N4BP2L2: variants seen among roughly 807,000 people sequenced by gnomAD.
N4BP2L2 encodes the protein NEDD4 binding protein 2 like 2.
A neutral mutation model predicts 56.2 loss-of-function variants in N4BP2L2; 50 were observed. The observed-to-expected ratio is 0.89, with a 90% CI of 0.71 to 1.13. The LOEUF (loss-of-function observed/expected upper bound fraction) is 1.13, where lower values mean the gene tolerates loss of function less well. N4BP2L2 is among the 50% of genes most tolerant of loss of function. The pLI is 0.00. For missense variants in N4BP2L2, 689 were observed against 693.8 expected (o/e 0.99, Z 0.08); for synonymous variants, 203 against 223.6 (o/e 0.91, Z 0.82).
At chr13:32,534,918 C>G (rs2056127695) in intron 2 of N4BP2L2, among the ~76,000 whole-genome samples, 1 of 152,080 alleles carries the variant, frequency 6.6e-6, no homozygotes, top group South Asian at 2.1e-4. Context: ...TCAAGTGCAT[C>G]AATAGTTTAA....
chr13:32,532,666 C>T lies in N4BP2L2; in HGVS notation c.1259+3103G>A, dbSNP rs185410266. On this transcript the variant is annotated intron_variant, in intron 2 of 5. Coordinates refer to ENST00000267068, the Ensembl canonical transcript of N4BP2L2. ...AGTGCAGTGGTGTGATCTCGGCTCA[C>T]TGCAACCTCTGCCTCCCGGGTTCAA... Among the ~76,000 whole-genome samples, 5 of 149,248 alleles carry T rather than the reference C, an allele frequency of 3.4e-5. No homozygotes were observed. The East Asian group carries it at 7.9e-4, about 23-fold the overall frequency.
intron 4 of N4BP2L2, 190 bp from the exon 5 acceptor site, chr13:32,521,639 A>C: frequency 2.0e-6 from 1 of 491,730 alleles, no homozygotes; most frequent in Non-Finnish European, 3.6e-6. Flanking sequence ...TACTATTCTC[A>C]AGGAATAGTA....
intron 6 of N4BP2L2, among the ~76,000 whole-genome samples, chr13:32,498,547 G>A (rs1026211215): frequency 6.6e-6 from 1 of 151,744 alleles, no homozygotes; most frequent in Non-Finnish European, 1.5e-5. Flanking sequence ...TTGCCATGTT[G>A]GCCAGGCTGG....
chr13:32,435,802 A>T (rs1206169973), intron 9 of N4BP2L2, among the ~76,000 whole-genome samples: 1 of 152,208 alleles, frequency 6.6e-6, no homozygotes, highest in Admixed American at 6.5e-5. Flanking sequence ...AAATGAAAAA[A>T]CGTATGGTAA....
intron 6 of N4BP2L2, among the ~76,000 whole-genome samples, chr13:32,450,380 A>G (rs946675307): frequency 1.8e-4 from 28 of 151,536 alleles, no homozygotes; most frequent in Non-Finnish European, 3.5e-4. Flanking sequence ...GCTGGAGTGC[A>G]GTGGCGCGAT....
chr13:32,496,426 A>G (rs2088659261), intron 6 of N4BP2L2, among the ~76,000 whole-genome samples: 1 of 152,220 alleles, frequency 6.6e-6, no homozygotes, highest in Non-Finnish European at 1.5e-5. Flanking sequence ...TTTCAAATAC[A>G]TAACAAGTGT....
At chr13:32,477,161 T>G in intron 6 of N4BP2L2, 1 of 551,418 alleles carries the variant, frequency 1.8e-6, no homozygotes, top group Non-Finnish European at 3.4e-6. Context: ...AGCTGAGCAG[T>G]CTGAGATCTA....
exon 6 of N4BP2L2, chr13:32,516,382 C>T (rs2049214797): frequency 6.6e-6 from 1 of 152,116 alleles, no homozygotes; most frequent in South Asian, 2.1e-4. Context: ...AGGTAATATT[C>T]ATTCAAATGT....
At chr13:32,434,134 TG>T (rs1187815120) in intron 9 of N4BP2L2, among the ~76,000 whole-genome samples, 2 of 150,590 alleles carry the variant, frequency 1.3e-5, no homozygotes, top group African/African-American at 4.9e-5. Context: ...TGGAGTGCAG[TG>T]GTGCGATCTC....
At chr13:32,508,028 C>G (rs1009512082), downstream of N4BP2L2, 5 of 152,028 alleles carry the variant, frequency 3.3e-5, no homozygotes, top group African/African-American at 1.2e-4. Flanking sequence ...CCACAGAGAT[C>G]TGAACAAAAA....
chr13:32,434,225 TG>T (rs749665366), intron 9 of N4BP2L2, among the ~76,000 whole-genome samples: 25 of 148,588 alleles, frequency 1.7e-4, no homozygotes, highest in East Asian at 1.0e-3. Flanking sequence ...TACAGGTGTG[TG>T]CCACCACATT....
At position 32,528,655 on chromosome 13, in the gene N4BP2L2, T is replaced by C. The variant is rs564480758; in HGVS notation, c.1260-1123A>G. 2.0e-5 allele frequency among the ~76,000 whole-genome samples: 3 copies of C among 152,318 alleles called. No individual in the cohort carries two copies. In the South Asian group the frequency reaches 6.2e-4, roughly 32 times the overall value. ...GTATTTTGTTGTTTCTCTCCTCTCC[T>C]TGAACCATTAGGCATTTGGATATCA... On this transcript the variant is annotated intron_variant, in intron 2 of 5. Transcript: ENST00000267068.
At chr13:32,517,709 C>G in exon 6 of N4BP2L2, 1 of 1,481,080 alleles carries the variant, frequency 6.8e-7, no homozygotes, top group South Asian at 1.4e-5. Context: ...GGCACTGTAG[C>G]CTTTTTTTAT....
chr13:32,482,702 T>C (rs958140250), intron 6 of N4BP2L2, among the ~76,000 whole-genome samples: 7 of 152,204 alleles, frequency 4.6e-5, no homozygotes, highest in Admixed American at 1.3e-4. Context: ...ATAGTTTTCC[T>C]ATCAGTAGGT....
chr13:32,480,105 G>A (rs959911019), intron 6 of N4BP2L2, among the ~76,000 whole-genome samples: 1 of 152,000 alleles, frequency 6.6e-6, no homozygotes, highest in African/African-American at 2.4e-5. Context: ...AAAGTCAAAG[G>A]GAAGGCCTTA....
At chr13:32,474,094 C>T (rs978709406) in intron 6 of N4BP2L2, among the ~76,000 whole-genome samples, 13 of 152,146 alleles carry the variant, frequency 8.5e-5, no homozygotes, top group African/African-American at 3.1e-4. Flanking sequence ...TGCCTTTATT[C>T]TTTAGGAATG....
chr13:32,495,465 G>A (rs1428598224), intron 6 of N4BP2L2, among the ~76,000 whole-genome samples: 1 of 152,082 alleles, frequency 6.6e-6, no homozygotes, highest in Non-Finnish European at 1.5e-5. Flanking sequence ...CAATGCCTTT[G>A]GATTCTTCTA....
chr13:32,445,801 A>AGTTCATAGC (rs1285910857), intron 6 of N4BP2L2, among the ~76,000 whole-genome samples: 1 of 152,248 alleles, frequency 6.6e-6, no homozygotes, highest in East Asian at 1.9e-4. Context: ...GCACACTGAA[A>AGTTCATAGC]GTTCATAGCT....
chr13:32,533,241 T>A (rs1016137546), intron 2 of N4BP2L2, among the ~76,000 whole-genome samples: 4 of 152,084 alleles, frequency 2.6e-5, no homozygotes, highest in African/African-American at 9.7e-5. Context: ...AATTTATAAA[T>A]CAATTAGGGG....
Sources: gnomAD v4.1 joint callset for allele counts (sites outside exome capture counted in the v4.1 genomes callset) on GRCh38, gnomAD v4.1.1 for gene constraint, MANE v1.5 for transcripts, NCBI Gene and HGNC (gene_info 2026-07-23, HGNC 2026-07-21) for gene names.